Variants in TPD52L1 observed in about 807,000 individuals in gnomAD.
The protein encoded by TPD52L1 is TPD52 like 1.
TPD52L1 carries 18 observed loss-of-function variants against 28.7 expected under a neutral mutation model. The ratio of observed to expected loss-of-function variants is 0.63; its 90% confidence interval spans 0.43 to 0.93. The LOEUF (loss-of-function observed/expected upper bound fraction) is 0.93. Among genes scored for constraint, TPD52L1 ranks in the 40% least tolerant of loss-of-function variants. TPD52L1 has a pLI of 0.00. For missense variants in TPD52L1, 203 were observed against 254.8 expected (o/e 0.80, Z 1.39); for synonymous variants, 75 against 88.8 (o/e 0.84, Z 0.88).
intron 1 of TPD52L1, among the ~76,000 whole-genome samples, chr6:125,156,099 G>T (rs1790097325): frequency 6.6e-6 from 1 of 152,134 alleles, no homozygotes; most frequent in Non-Finnish European, 1.5e-5. Context: ...CTCATGACTG[G>T]ATGGAAACTT....
intron 1 of TPD52L1, among the ~76,000 whole-genome samples, chr6:125,195,141 G>A (rs1562260844): frequency 6.6e-6 from 1 of 152,184 alleles, no homozygotes; most frequent in African/African-American, 2.4e-5. Context: ...AGGGTATAGT[G>A]GTTATGGGTT....
At chr6:125,177,368 C>CT (rs1411379599) in intron 1 of TPD52L1, among the ~76,000 whole-genome samples, 101 of 152,160 alleles carry the variant, frequency 6.6e-4, no homozygotes, top group Non-Finnish European at 1.0e-4. Flanking sequence ...AGTCATCCTC[C>CT]TTTTTTTTCT....
intron 1 of TPD52L1, among the ~76,000 whole-genome samples, chr6:125,197,716 G>A (rs543054687): frequency 3.9e-5 from 6 of 152,242 alleles, no homozygotes; most frequent in Admixed American, 2.0e-4. Flanking sequence ...CCCACTAAGC[G>A]TCAGAGGTGA....
chr6:125,212,527 T>C (rs892341347), intron 1 of TPD52L1, among the ~76,000 whole-genome samples: 3 of 152,216 alleles, frequency 2.0e-5, no homozygotes, highest in Non-Finnish European at 2.9e-5. Flanking sequence ...GCTGGAAGTG[T>C]GTGGATGCCA....
At chr6:125,225,512 C>G (rs925419797) in intron 2 of TPD52L1, among the ~76,000 whole-genome samples, 42 of 152,164 alleles carry the variant, frequency 2.8e-4, no homozygotes, top group African/African-American at 9.7e-4. Flanking sequence ...TTTGTCAACA[C>G]TTGTTATTTT....
intron 1 of TPD52L1, among the ~76,000 whole-genome samples, chr6:125,211,374 CT>C (rs1794497070): frequency 6.6e-6 from 1 of 151,832 alleles, no homozygotes; most frequent in Non-Finnish European, 1.5e-5. Flanking sequence ...AGAAAAAGTG[CT>C]GTCAATTAAT....
chr6:125,198,869 C>A (rs1412197800), intron 1 of TPD52L1, among the ~76,000 whole-genome samples: 1 of 152,152 alleles, frequency 6.6e-6, no homozygotes, highest in Non-Finnish European at 1.5e-5. Flanking sequence ...TGCTGAGCAT[C>A]CTGCAGTGAA....
chr6:125,254,418 G>A (rs1296714943), intron 5 of TPD52L1, among the ~76,000 whole-genome samples: 1 of 152,086 alleles, frequency 6.6e-6, no homozygotes, highest in Non-Finnish European at 1.5e-5. Flanking sequence ...GCTCTGCCAA[G>A]GATTAACTTT....
chr6:125,169,301 T>C (rs1294381514), intron 1 of TPD52L1, among the ~76,000 whole-genome samples: 1 of 152,216 alleles, frequency 6.6e-6, no homozygotes, highest in African/African-American at 2.4e-5. Context: ...TCATGACTCA[T>C]GATTTTGAAT....
chr6:125,162,208 G>A (rs1433213817), intron 1 of TPD52L1, among the ~76,000 whole-genome samples: 4 of 152,128 alleles, frequency 2.6e-5, no homozygotes, highest in Non-Finnish European at 5.9e-5. Context: ...TGAAATAGGT[G>A]ATGATGCATA....
At chr6:125,156,888 G>A (rs938801116) in intron 1 of TPD52L1, among the ~76,000 whole-genome samples, 3 of 152,198 alleles carry the variant, frequency 2.0e-5, no homozygotes, top group Non-Finnish European at 4.4e-5. Flanking sequence ...CAATCAAATG[G>A]AGGATAATTA....
rs1299955134 is a variant in TPD52L1, at chr6:125,229,139, C to T, written c.157C>T (p.Leu53=). Residue 53 remains leucine, a synonymous_variant, in exon 3 of 7, where the codon CTA becomes TTA. Coordinates refer to ENST00000534000, the MANE Select transcript of TPD52L1 (RefSeq NM_003287.4). ...LVQLEDEITT[L]RQVLSAKERH... The stretch of plus-strand genomic sequence containing the variant: ...GTAGCTAGAAGACGAAATTACAACA[C>T]TACGACAAGTTTTGTCAGCGAAAGA... 6.2e-7 allele frequency: 1 copy of T among 1,613,238 alleles called. No homozygotes were observed. Among genetic ancestry groups the T allele is most frequent in the Admixed American group, 1.7e-5 (1 of 59,902 alleles).
At chr6:125,220,247 T>C (rs994339276) in intron 2 of TPD52L1, 54 bp downstream of exon 2, 1 of 1,170,278 alleles carries the variant, frequency 8.5e-7, no homozygotes, top group Non-Finnish European at 1.3e-6. Context: ...TTAAGAGTTA[T>C]TATTAGTTTG....
At chr6:125,221,538 C>T (rs566383397) in intron 2 of TPD52L1, among the ~76,000 whole-genome samples, 35 of 152,182 alleles carry the variant, frequency 2.3e-4, no homozygotes, top group African/African-American at 7.9e-4. Flanking sequence ...TAAAATGCCT[C>T]GATTTTTATT....
chr6:125,198,889 C>CA (rs1308954486), intron 1 of TPD52L1, among the ~76,000 whole-genome samples: 20 of 152,136 alleles, frequency 1.3e-4, no homozygotes, highest in African/African-American at 4.6e-4. Context: ...ACACACAGTT[C>CA]CCTACAATCA....
At chr6:125,154,496 A>T in intron 1 of TPD52L1, 2 of 985,478 alleles carry the variant, frequency 2.0e-6, no homozygotes, top group Non-Finnish European at 2.4e-6. Context: ...AGGCCAGGTG[A>T]ACGTTACCGG....
intron 1 of TPD52L1, among the ~76,000 whole-genome samples, chr6:125,195,980 G>C (rs1793411462): frequency 6.6e-6 from 1 of 152,154 alleles, no homozygotes; most frequent in Non-Finnish European, 1.5e-5. Context: ...CCAGGACCTA[G>C]AATAGTGCTG....
intron 6 of TPD52L1, chr6:125,261,018 GAAAAGA>G (rs145850182): frequency 0.017 from 712 of 43,070 alleles, 80 homozygotes; most frequent in African/African-American, 0.096. Context: ...AAGAAAGAAA[GAAAAGA>G]AAAGAAAGAA....
intron 4 of TPD52L1, chr6:125,251,914 G>C: frequency 8.9e-7 from 1 of 1,122,292 alleles, no homozygotes; most frequent in Non-Finnish European, 1.3e-6. Context: ...TACCCTGTCT[G>C]TGCTCTGGGG....
Sources: allele counts gnomAD v4.1 joint callset (sites outside exome capture counted in the v4.1 genomes callset), GRCh38; gene constraint gnomAD v4.1.1; transcripts MANE v1.5; gene names NCBI Gene and HGNC (gene_info 2026-07-23, HGNC 2026-07-21).